MAPK10: variants seen among roughly 807,000 people sequenced by gnomAD.
The protein encoded by MAPK10 is JNK3 alpha protein kinase.
Under a neutral mutation model 59.3 loss-of-function variants are expected in MAPK10, and 25 were observed. The observed-to-expected ratio is 0.42, with a 90% CI of 0.31 to 0.59. MAPK10 has a LOEUF of 0.59. Ranked by LOEUF, MAPK10 falls within the 20% of genes least tolerant of loss-of-function variation. The pLI, the probability that MAPK10 is intolerant of heterozygous loss-of-function variation, is 0.15. For missense variants in MAPK10, 351 were observed against 568.9 expected, an observed-to-expected ratio of 0.62 and a Z score of 3.90; for synonymous variants, 190 against 200.5, an observed-to-expected ratio of 0.95 and a Z score of 0.44.
At chr4:86,219,588 G>A (rs933657115) in intron 2 of MAPK10, among the ~76,000 whole-genome samples, 2 of 151,926 alleles carry the variant, frequency 1.3e-5, no homozygotes, top group African/African-American at 4.8e-5. Context: ...CTGGAAATAT[G>A]GAAATATATC....
intron 5 of MAPK10, among the ~76,000 whole-genome samples, chr4:86,104,515 G>C (rs2056187521): frequency 3.9e-5 from 6 of 152,086 alleles, no homozygotes; most frequent in Admixed American, 3.9e-4. Flanking sequence ...CAGTGGGTCT[G>C]TTTCTCTAGG....
intron 2 of MAPK10, among the ~76,000 whole-genome samples, chr4:86,214,700 C>CT (rs1285069226): frequency 6.6e-6 from 1 of 151,752 alleles, no homozygotes; most frequent in East Asian, 1.9e-4. Context: ...TAGGAATTGA[C>CT]TTAACCAAGA....
intron 10 of MAPK10, among the ~76,000 whole-genome samples, chr4:86,065,921 A>G (rs1008000001): frequency 2.0e-5 from 3 of 152,222 alleles, no homozygotes; most frequent in African/African-American, 7.2e-5. Flanking sequence ...CTAATTCTAC[A>G]AATTTGAAAA....
rs147658960 is a variant in MAPK10 at position 86,263,801 on chromosome 4, C to T, written c.-6-69394G>A. 5.8e-3 allele frequency among the ~76,000 whole-genome samples: 883 copies of T among 152,200 alleles called. 8 individuals are homozygous for T. The highest frequency in any genetic ancestry group is 0.02 in the African/African-American group (831 of 41,550). On this transcript the variant is annotated intron_variant, in intron 2 of 13. Transcript: ENST00000641462. The stretch of plus-strand genomic sequence containing the variant: ...TTTTTTGATAGACACTGAAAATATG[C>T]ATTGATATTTGGCACACAATATGTG...
At chr4:86,332,818 T>G (rs1035760909) in intron 2 of MAPK10, 1 of 152,196 alleles carries the variant, frequency 6.6e-6, no homozygotes, top group Non-Finnish European at 1.5e-5. Flanking sequence ...CTGGTTAAAA[T>G]TCATAATGTA....
At chr4:86,559,313 T>TA (rs1485051738) in intron 1 of MAPK10, among the ~76,000 whole-genome samples, 1 of 152,100 alleles carries the variant, frequency 6.6e-6, no homozygotes, top group East Asian at 1.9e-4. Flanking sequence ...TCCTATAATT[T>TA]AAAAAATTAT....
At chr4:86,478,646 C>T (rs139744071) in intron 1 of MAPK10, among the ~76,000 whole-genome samples, 1,578 of 152,216 alleles carry the variant, frequency 0.01, 20 homozygotes, top group Non-Finnish European at 0.014. Flanking sequence ...GACTTCAATC[C>T]GGCCTCCCAC....
intron 2 of MAPK10, among the ~76,000 whole-genome samples, chr4:86,312,660 C>A: frequency 6.6e-6 from 1 of 152,000 alleles, no homozygotes; most frequent in African/African-American, 2.4e-5. Context: ...TGATATCTAA[C>A]AAAGATCATT....
At chr4:86,348,458 AC>A (rs570791358) in intron 2 of MAPK10, among the ~76,000 whole-genome samples, 382 of 152,012 alleles carry the variant, frequency 2.5e-3, no homozygotes, top group Admixed American at 5.0e-3. Flanking sequence ...CTTTATTATA[AC>A]CCCCATTCTT....
At chr4:86,066,085 C>T (rs980920832) in intron 10 of MAPK10, among the ~76,000 whole-genome samples, 15 of 151,934 alleles carry the variant, frequency 9.9e-5, no homozygotes, top group Non-Finnish European at 1.9e-4. Flanking sequence ...AATTTTTTAC[C>T]TGTAAGTATT....
chr4:86,423,911 A>G (rs1304495782), intron 1 of MAPK10, among the ~76,000 whole-genome samples: 1 of 151,654 alleles, frequency 6.6e-6, no homozygotes, highest in African/African-American at 2.4e-5. Context: ...AAGGAAAGTA[A>G]CCTAAAAGTT....
At chr4:86,095,613 G>T (rs1040232671) in intron 9 of MAPK10, 4 of 151,714 alleles carry the variant, frequency 2.6e-5, no homozygotes, top group Non-Finnish European at 3.0e-5. Context: ...GCTTAAAATT[G>T]TGTAATTCTT....
In MAPK10 at chr4:86,075,645, A is replaced by G. The variant is rs889666438; in HGVS notation, c.803-7690T>C. On this transcript the variant is annotated intron_variant, in intron 9 of 13. Transcript: ENST00000641462. The stretch of plus-strand genomic sequence containing the variant: ...CCCTCAGCTGCAGGTCTGTTGGAAT[A>G]CCCTGCTGTGTGAGGTGGCAGTGTG... Among the ~76,000 whole-genome samples the G allele has an allele frequency of 4.6e-4, 69 of 149,822 alleles. 1 individual carries two copies. The highest frequency in any genetic ancestry group is 1.6e-3 in the African/African-American group (66 of 40,646).
chr4:86,198,472 G>A (rs1247977202), intron 2 of MAPK10, among the ~76,000 whole-genome samples: 1 of 152,030 alleles, frequency 6.6e-6, no homozygotes, highest in Non-Finnish European at 1.5e-5. Flanking sequence ...CAGGAGTCTT[G>A]TATCTTCTGC....
chr4:86,511,538 G>T (rs2149083718), intron 1 of MAPK10, among the ~76,000 whole-genome samples: 1 of 152,026 alleles, frequency 6.6e-6, no homozygotes, highest in African/African-American at 2.4e-5. Flanking sequence ...CTGCTCTCCA[G>T]CCTGGGCGAT....
chr4:86,568,169 C>T (rs994276521), intron 1 of MAPK10, among the ~76,000 whole-genome samples: 1 of 152,006 alleles, frequency 6.6e-6, no homozygotes, highest in South Asian at 2.1e-4. Context: ...AGCTGAGAAC[C>T]AAGTCAGAAC....
At chr4:86,551,439 C>T (rs1237474922) in intron 1 of MAPK10, among the ~76,000 whole-genome samples, 5 of 152,116 alleles carry the variant, frequency 3.3e-5, no homozygotes, top group African/African-American at 9.7e-5. Context: ...AAGATCATTC[C>T]TAATTTACAA....
At chr4:86,305,213 T>C (rs2095545540) in intron 2 of MAPK10, among the ~76,000 whole-genome samples, 1 of 152,214 alleles carries the variant, frequency 6.6e-6, no homozygotes, top group Admixed American at 6.5e-5. Flanking sequence ...TTTATAATAA[T>C]GTGATATATA....
At chr4:86,341,673 C>T (rs1310631606) in intron 2 of MAPK10, among the ~76,000 whole-genome samples, 1 of 151,918 alleles carries the variant, frequency 6.6e-6, no homozygotes, top group Non-Finnish European at 1.5e-5. Context: ...TAGAATGTTA[C>T]TCTAGGTAAT....
Sources: gnomAD v4.1 joint callset for allele counts (sites outside exome capture counted in the v4.1 genomes callset) on GRCh38, gnomAD v4.1.1 for gene constraint, MANE v1.5 for transcripts, NCBI Gene and HGNC (gene_info 2026-07-23, HGNC 2026-07-21) for gene names.